The following PTPN11 variants were observed in gnomAD, a reference collection of about 807,000 sequenced individuals.
The protein encoded by PTPN11 is tyrosine-protein phosphatase non-receptor type 11.
In PTPN11, 6 loss-of-function variants were observed where a neutral mutation model predicts 78.8. The observed-to-expected ratio is 0.08, with a 90% CI of 0.04 to 0.15. The LOEUF (loss-of-function observed/expected upper bound fraction) is 0.15. Ranked by LOEUF, PTPN11 falls within the 10% of genes least tolerant of loss-of-function variation. The probability of loss-of-function intolerance (pLI) is 1.00; values close to 1 mark genes in which losing one functional copy is unlikely to be tolerated. For synonymous variants in PTPN11, 221 were observed against 263.5 expected, an observed-to-expected ratio of 0.84 and a Z score of 1.56; for missense variants, 386 against 744.8, an observed-to-expected ratio of 0.52 and a Z score of 5.61.
At position 112,450,469 on chromosome 12, in the gene PTPN11, G is replaced by A. The variant is rs397507516; in HGVS notation, c.289G>A (p.Glu97Lys). Reference protein sequence around the residue: ...QLKEKNGDVIELKYPLNCADP... With the variant: ...QLKEKNGDVIKLKYPLNCADP... ...AAAAGAGAAGAATGGAGATGTCATTGAGCTTAAATATCCTCTGAACTGTGC... is the reference window on the plus strand; with the variant it reads ...AAAAGAGAAGAATGGAGATGTCATTAAGCTTAAATATCCTCTGAACTGTGC... Residue 97 changes from glutamate (E) to lysine (K), a missense_variant, in exon 3 of 16, where the codon GAG (glutamate) becomes AAG (lysine). By Grantham distance (56) the Glu-to-Lys change is moderately conservative. Transcript: ENST00000351677. 6.2e-7 allele frequency: 1 copy of A among 1,614,052 alleles called. No homozygotes were observed. Among genetic ancestry groups the A allele is most frequent in the African/African-American group, 1.3e-5 (1 of 75,032 alleles).
chr12:112,469,900 G>A (rs1443710843), intron 6 of PTPN11, among the ~76,000 whole-genome samples: 1 of 152,116 alleles, frequency 6.6e-6, no homozygotes, highest in African/African-American at 2.4e-5. Flanking sequence ...GAGGTGGTAT[G>A]CAGAGATGCC....
intron 5 of PTPN11, 111 bp from the exon 6 acceptor site, chr12:112,455,839 G>C: frequency 1.4e-6 from 1 of 720,060 alleles, no homozygotes; most frequent in Non-Finnish European, 2.5e-6. Flanking sequence ...TGAACCCTCT[G>C]TCCGTGCCTT....
At chr12:112,466,239 AGCTC>A (rs2038324071) in intron 6 of PTPN11, among the ~76,000 whole-genome samples, 1 of 152,226 alleles carries the variant, frequency 6.6e-6, no homozygotes, top group Non-Finnish European at 1.5e-5. Flanking sequence ...ATTTGAACAA[AGCTC>A]TGAAGGAAAT....
At chr12:112,490,508 TG>T (rs1241846957) in intron 13 of PTPN11, among the ~76,000 whole-genome samples, 1 of 152,176 alleles carries the variant, frequency 6.6e-6, no homozygotes, top group Non-Finnish European at 1.5e-5. Flanking sequence ...AGTTTCGCCA[TG>T]TTGCCCAGGC....
At chr12:112,444,340 G>GTT (rs879299025) in intron 1 of PTPN11, among the ~76,000 whole-genome samples, 2 of 146,710 alleles carry the variant, frequency 1.4e-5, no homozygotes, top group Non-Finnish European at 1.5e-5. Context: ...GTACTTCCAA[G>GTT]TTTTTTTTTT....
chr12:112,471,073 G>T (rs2038407249), intron 6 of PTPN11, among the ~76,000 whole-genome samples: 1 of 152,146 alleles, frequency 6.6e-6, no homozygotes, highest in African/African-American at 2.4e-5. Flanking sequence ...CTAGTTAAAT[G>T]CTTTTGTGAT....
At chr12:112,478,125 C>A in intron 9 of PTPN11, 110 bp downstream of exon 9, 2 of 1,291,992 alleles carry the variant, frequency 1.5e-6, no homozygotes, top group Non-Finnish European at 2.2e-6. Context: ...GTAACTGATT[C>A]TCTGGAAAAA....
At chr12:112,424,887 G>GTA in intron 1 of PTPN11, among the ~76,000 whole-genome samples, 1 of 140,864 alleles carries the variant, frequency 7.1e-6, no homozygotes, top group African/African-American at 2.6e-5. Context: ...GTGTGTGTGT[G>GTA]TGTATGTGTG....
rs1452127314 is a variant in PTPN11, at chr12:112,424,905, G to GTA, written c.14+5781_14+5782insAT. On this transcript the variant is annotated intron_variant, in intron 1 of 15. Transcript: ENST00000351677. The stretch of plus-strand genomic sequence containing the variant: ...TGTGTGTGTGTATGTGTGTGTGTGT[G>GTA]TGTGTGTGTGTGTGCTGGGACTGCA... Among the ~76,000 whole-genome samples the GTA allele has an allele frequency of 8.8e-5, 13 of 147,018 alleles. 1 individual carries two copies. Among genetic ancestry groups the GTA allele is most frequent in the African/African-American group, 3.3e-4 (13 of 39,742 alleles).
At chr12:112,442,918 G>A (rs1194616169) in intron 1 of PTPN11, among the ~76,000 whole-genome samples, 2 of 119,358 alleles carry the variant, frequency 1.7e-5, no homozygotes, top group East Asian at 4.1e-4. Context: ...GTATATGTAT[G>A]TATTTTATAT....
chr12:112,453,630 C>G (rs1459520545), intron 4 of PTPN11, among the ~76,000 whole-genome samples: 1 of 149,724 alleles, frequency 6.7e-6, no homozygotes, highest in African/African-American at 2.4e-5. Context: ...CCATTACATT[C>G]AAAGTCAGAT....
At chr12:112,453,952 G>A (rs1279592349) in intron 4 of PTPN11, among the ~76,000 whole-genome samples, 1 of 151,834 alleles carries the variant, frequency 6.6e-6, no homozygotes, top group African/African-American at 2.4e-5. Context: ...CTGATCCAAA[G>A]TCAGATTTTC....
intron 6 of PTPN11, among the ~76,000 whole-genome samples, chr12:112,471,927 A>G (rs1388725077): frequency 6.6e-6 from 1 of 151,682 alleles, no homozygotes; most frequent in Non-Finnish European, 1.5e-5. Context: ...TAATTTTTGT[A>G]TTTTTAGTAG....
chr12:112,424,137 A>G (rs2037568001), intron 1 of PTPN11, among the ~76,000 whole-genome samples: 1 of 152,204 alleles, frequency 6.6e-6, no homozygotes, highest in Non-Finnish European at 1.5e-5. Context: ...CATTCATTGA[A>G]GAATTATTTA....
At chr12:112,465,668 C>T (rs2038316032) in intron 6 of PTPN11, among the ~76,000 whole-genome samples, 2 of 152,070 alleles carry the variant, frequency 1.3e-5, no homozygotes, top group African/African-American at 2.4e-5. Context: ...ATTCTTTTTC[C>T]TTCAGTAGAT....
intron 6 of PTPN11, among the ~76,000 whole-genome samples, chr12:112,471,745 G>T: frequency 6.7e-6 from 1 of 150,252 alleles, no homozygotes. Flanking sequence ...TACCTATTTG[G>T]TTCTTCTCCC....
intron 6 of PTPN11, among the ~76,000 whole-genome samples, chr12:112,472,410 T>C (rs2038432353): frequency 6.6e-6 from 1 of 152,254 alleles, no homozygotes; most frequent in South Asian, 2.1e-4. Context: ...TACATCTTTT[T>C]AAATGGACAT....
At chr12:112,505,700 T>C (rs2038926993) in intron 15 of PTPN11, 125 bp from the exon 16 acceptor site, 1 of 151,082 alleles carries the variant, frequency 6.6e-6, no homozygotes. Flanking sequence ...CAGTATTTCA[T>C]GTCGAAATTC....
intron 1 of PTPN11, among the ~76,000 whole-genome samples, chr12:112,429,744 A>G (rs2037681222): frequency 6.6e-6 from 1 of 150,814 alleles, no homozygotes; most frequent in Non-Finnish European, 1.5e-5. Flanking sequence ...TGGAGGTTGC[A>G]GTGAGCTGAG....
Sources: allele counts gnomAD v4.1 joint callset (sites outside exome capture counted in the v4.1 genomes callset), GRCh38; gene constraint gnomAD v4.1.1; transcripts MANE v1.5; gene names NCBI Gene and HGNC (gene_info 2026-07-23, HGNC 2026-07-21).